ACRBP: variants seen among roughly 807,000 people sequenced by gnomAD.
ACRBP encodes acrosin binding protein.
In ACRBP, 52 loss-of-function variants were observed where a neutral mutation model predicts 69.0. The ratio of observed to expected loss-of-function variants is 0.75; its 90% CI spans 0.60 to 0.95. The LOEUF is 0.95. Ranked by LOEUF, ACRBP falls within the 40% of genes least tolerant of loss-of-function variation. The probability of loss-of-function intolerance (pLI) is 0.00; values close to 1 mark genes in which losing one functional copy is unlikely to be tolerated. For synonymous variants in ACRBP, 267 were observed against 258.9 expected, an observed-to-expected ratio of 1.03 and a Z score of -0.30; for missense variants, 604 against 673.0, an observed-to-expected ratio of 0.90 and a Z score of 1.13.
At position 6,639,017 on chromosome 12, in the gene ACRBP, G is replaced by A. The variant is rs769522677; in HGVS notation, c.1446C>T (p.Ile482=). Residue 482 remains isoleucine (I), a synonymous_variant, in exon 9 of 10, where the codon ATC becomes ATT. Coordinates refer to ENST00000229243, the MANE Select transcript of ACRBP (RefSeq NM_032489.3). Reference sequence around the variant, plus strand: ...TGAAGGAACAGTAGTTTGGGTACTGGATATAGTCTGTGTCACAAATCTAAG... The same window carrying A: ...TGAAGGAACAGTAGTTTGGGTACTGAATATAGTCTGTGTCACAAATCTAAG... The part of the protein sequence containing the change: ...FPTKICDTDY[I]QYPNYCSFKS... 8 of 1,614,022 alleles carry A rather than the reference G, an allele frequency of 5.0e-6. No homozygotes were observed.
intron 9 of ACRBP, chr12:6,638,667 A>C: frequency 7.1e-7 from 1 of 1,404,310 alleles, no homozygotes; most frequent in Admixed American, 2.9e-5. Flanking sequence ...TAAGAAGAGG[A>C]GACAGACCGA....
In ACRBP at chr12:6,647,314, A is replaced by G. The variant is rs1180584717; in HGVS notation, c.43+10T>C. 1 of 1,553,082 alleles carries G rather than the reference A, an allele frequency of 6.4e-7. No individual in the cohort carries two copies. The highest frequency in any genetic ancestry group is 8.7e-7 in the Non-Finnish European group (1 of 1,150,468). On this transcript the variant is annotated intron_variant, in intron 1 of 9. Coordinates refer to ENST00000229243, the MANE Select transcript of ACRBP (RefSeq NM_032489.3). ...GGGAGAGTCTGTTGGAGCAGGTGTA[A>G]ACCTCTCACCCTTCAGGAGTGAGGG...
At chr12:6,644,747 G>A in intron 4 of ACRBP, 142 bp from the exon 5 acceptor site, 1 of 1,335,310 alleles carries the variant, frequency 7.5e-7, no homozygotes. Flanking sequence ...AAGAACATAA[G>A]TATTAAACTA....
rs752298946 is a variant in ACRBP, at chr12:6,646,441, T to C, written c.357+42A>G. 15 of 1,575,274 alleles carry C rather than the reference T, an allele frequency of 9.5e-6. No homozygotes were observed. In the Admixed American group the frequency reaches 2.5e-4, roughly 26 times the overall value. Reference sequence around the variant, plus strand: ...CTCCCCACTGCTGCCGCCTCTCCCTTGGCCCTGGGGCACCAAATCCAACCT... The same window carrying C: ...CTCCCCACTGCTGCCGCCTCTCCCTCGGCCCTGGGGCACCAAATCCAACCT... On this transcript the variant is annotated intron_variant, in intron 3 of 9. Coordinates refer to ENST00000229243, the MANE Select transcript of ACRBP (RefSeq NM_032489.3).
chr12:6,646,633 G>A, intron 2 of ACRBP, 56 bp from the exon 3 acceptor site: 1 of 1,551,426 alleles, frequency 6.4e-7, no homozygotes, highest in Non-Finnish European at 8.9e-7. Flanking sequence ...GGGTGGGGCT[G>A]TGGGCAATGG....
chr12:6,647,201 C>A (rs746124711), intron 1 of ACRBP, 123 bp downstream of exon 1: 47 of 1,250,116 alleles, frequency 3.8e-5, no homozygotes, highest in Non-Finnish European at 5.3e-5. Context: ...TATCCCAGGA[C>A]CTAGGGAGCC....
rs1415621932 is a variant in ACRBP at position 6,646,387 on chromosome 12, A to C, written c.357+96T>G. The C allele has an allele frequency of 7.2e-6, 8 of 1,103,732 alleles. No individual in the cohort carries two copies. The African/African-American group carries it at 1.2e-4, about 17-fold the overall frequency. The allele number at this position is 1,103,732 out of a possible 1,614,324, so 68.4% of individuals were successfully genotyped here. A position where few individuals can be genotyped will look rare whatever the true frequency, so the allele number is the denominator to read the frequency against. ...CAAAATGGCAGGGAAGGAGGAGCTA[A>C]GGATGACTCTCCTGGAACCCTTCCT... is the stretch of plus-strand genomic sequence containing the variant. On this transcript the variant is annotated intron_variant, in intron 3 of 9. Transcript: ENST00000229243.
chr12:6,646,830 G>A lies in ACRBP; in HGVS notation c.226C>T (p.Leu76=), dbSNP rs990532603. ...HGCRNPTLVQ[L]DQYENHGLVP... ...AAGCCGTGGTTTTCATATTGGTCCA[G>A]CTGGACGAGTGTGGGATTCCGGCAG... Residue 76 remains leucine, a synonymous_variant, in exon 2 of 10, where the codon CTG becomes TTG. Transcript: ENST00000229243. 1.1e-5 allele frequency: 17 copies of A among 1,614,026 alleles called. No homozygotes were observed. Among genetic ancestry groups the A allele is most frequent in the Non-Finnish European group, 1.1e-5 (13 of 1,180,046 alleles).
intron 8 of ACRBP, 73 bp from the exon 9 acceptor site, chr12:6,639,110 T>G: frequency 7.1e-7 from 1 of 1,401,448 alleles, no homozygotes; most frequent in Non-Finnish European, 1.0e-6. Flanking sequence ...AGGGAATATC[T>G]GCTAGGGCAG....
chr12:6,644,471 T>C lies in ACRBP; in HGVS notation c.610A>G (p.Arg204Gly). The C allele has an allele frequency of 6.2e-7, 1 of 1,614,102 alleles. No homozygotes were observed. The highest frequency in any genetic ancestry group is 8.5e-7 in the Non-Finnish European group (1 of 1,180,026). The change falls in exon 5 of 10, where the codon AGG (arginine) becomes GGG (glycine). Residue 204 changes from arginine to glycine, a missense_variant. Around this residue, in one of 3 missense-constraint regions of ACRBP, gnomAD observed 532 missense variants for 562.9 expected, o/e 0.95. Coordinates refer to ENST00000229243, the MANE Select transcript of ACRBP (RefSeq NM_032489.3). ...TTGTGTTCTTGTGTCGGCTCCTGCCTGTGCTCCACTCCTTGCTCCTGCTTG... is the reference window on the plus strand; with the variant it reads ...TTGTGTTCTTGTGTCGGCTCCTGCCCGTGCTCCACTCCTTGCTCCTGCTTG... ...EHKQEQGVEHRQEPTQEHKQE... is the reference protein window; with the variant it reads ...EHKQEQGVEHGQEPTQEHKQE...
rs553115906 is a variant in ACRBP, at chr12:6,644,813, C to T, written c.476-208G>A. 2.2e-4 allele frequency among the ~76,000 whole-genome samples: 33 copies of T among 152,274 alleles called. No homozygotes were observed. The South Asian group carries it at 6.2e-3, about 29-fold the overall frequency. On this transcript the variant is annotated intron_variant, in intron 4 of 9. Transcript: ENST00000229243. ...GGTGGTATGCATCACCTTCCCACCT[C>T]CCTGGCAAGCACTCCTCCTTCCCTA...
In ACRBP at chr12:6,647,429, A is replaced by G; in HGVS notation, c.-63T>C. The G allele has an allele frequency of 6.9e-7, 1 of 1,448,400 alleles. No homozygotes were observed. Among genetic ancestry groups the G allele is most frequent in the Non-Finnish European group, 9.2e-7 (1 of 1,088,424 alleles). 89.7% of individuals were successfully genotyped at this position (1,448,400 alleles called of 1,614,324 possible). ...CCGCCTCTAACGGGCCAAGCCGCAG[A>G]GAGAGCCGCAGGCGCGGGGCGGGGC... On this transcript the variant is annotated 5_prime_UTR_variant, in exon 1 of 10. Transcript: ENST00000229243.
intron 5 of ACRBP, 97 bp from the exon 6 acceptor site, chr12:6,643,768 C>A: frequency 1.3e-6 from 2 of 1,508,326 alleles, no homozygotes; most frequent in South Asian, 2.4e-5. Flanking sequence ...CTGCTTTGGT[C>A]ACACACATTC....
chr12:6,647,170 G>A (rs975997130), intron 1 of ACRBP, 154 bp downstream of exon 1: 1 of 1,118,466 alleles, frequency 8.9e-7, no homozygotes, highest in Admixed American at 2.4e-5. Flanking sequence ...AGGTCCGGCC[G>A]CGGGCGGGGG....
At chr12:6,643,997 G>A (rs1387067355) in intron 5 of ACRBP, 140 bp downstream of exon 5, 2 of 1,435,208 alleles carry the variant, frequency 1.4e-6, no homozygotes, top group East Asian at 4.9e-5. Flanking sequence ...CACAGAATTG[G>A]TGAGGCAGTT....
chr12:6,639,341 G>A (rs1949034878), intron 8 of ACRBP, among the ~76,000 whole-genome samples: 1 of 152,254 alleles, frequency 6.6e-6, no homozygotes, highest in Admixed American at 6.5e-5. Flanking sequence ...ACATGGGACA[G>A]GGACCCGATT....
In ACRBP at chr12:6,639,044, C is replaced by T. The variant is rs541437635; in HGVS notation, c.1426-7G>A. The T allele has an allele frequency of 6.2e-7, 1 of 1,612,872 alleles. No individual in the cohort carries two copies. Among genetic ancestry groups the T allele is most frequent in the African/African-American group, 1.3e-5 (1 of 75,016 alleles). On this transcript the variant is annotated splice_polypyrimidine_tract_variant and splice_region_variant and intron_variant, in intron 8 of 9. Transcript: ENST00000229243. ...TATAGTCTGTGTCACAAATCTAAGC[C>T]AAGAGCCAGAGAGAGGGAAGAGGGT...
In ACRBP at chr12:6,643,650, T is replaced by C. The variant is rs200428818; in HGVS notation, c.966A>G (p.Thr322=). The change falls in exon 6 of 10, where the codon ACA becomes ACG. Residue 322 remains threonine, a synonymous_variant. Coordinates refer to ENST00000229243, the MANE Select transcript of ACRBP (RefSeq NM_032489.3). ...AATAGCACAGCACCAGCAAGGCCTC[T>C]GTGTGGGGCAGCTGCAGGAGGCTGC... ...NPGSLLQLPH[T]EALLVLCYSI... is the part of the protein sequence containing the mutation. 18 of 1,614,166 alleles carry C rather than the reference T, an allele frequency of 1.1e-5. No homozygotes were observed. In the Admixed American group the frequency reaches 2.8e-4, roughly 25 times the overall value.
chr12:6,645,320 C>T lies in ACRBP; in HGVS notation c.375G>A (p.Gln125=). The T allele has an allele frequency of 6.2e-7, 1 of 1,613,456 alleles. No homozygotes were observed. Among genetic ancestry groups the T allele is most frequent in the Non-Finnish European group, 8.5e-7 (1 of 1,179,668 alleles). The part of the protein sequence containing the change: ...VYYAKRVLCS[Q]PVSILSPNTL... ...TGTTAGGTGAGAGAATAGAGACTGGCTGGGAACACAGGACTCTCTGCAGGA... is the reference window on the plus strand; with the variant it reads ...TGTTAGGTGAGAGAATAGAGACTGGTTGGGAACACAGGACTCTCTGCAGGA... Residue 125 remains glutamine (Q), a synonymous_variant, in exon 4 of 10, where the codon CAG becomes CAA. Coordinates refer to ENST00000229243, the MANE Select transcript of ACRBP (RefSeq NM_032489.3).
Sources: gnomAD v4.1 joint callset for allele counts (sites outside exome capture counted in the v4.1 genomes callset) on GRCh38, gnomAD v4.1.1 for gene constraint, gnomAD v4.1.1 regional missense constraint, MANE v1.5 for transcripts, NCBI Gene and HGNC (gene_info 2026-07-23, HGNC 2026-07-21) for gene names.